The following NAALADL2 variants were observed in gnomAD, a reference collection of about 807,000 sequenced individuals.
The protein encoded by NAALADL2 is inactive N-acetylated-alpha-linked acidic dipeptidase-like protein 2.
A neutral mutation model predicts 87.2 loss-of-function variants in NAALADL2; 76 were observed. The ratio of observed to expected loss-of-function variants is 0.87; its 90% CI spans 0.72 to 1.05. The LOEUF (loss-of-function observed/expected upper bound fraction) is 1.05. NAALADL2 is among the 50% of genes least tolerant of loss of function. The pLI, the probability that NAALADL2 is intolerant of heterozygous loss-of-function variation, is 0.00. For synonymous variants in NAALADL2, 354 were observed against 331.0 expected, an observed-to-expected ratio of 1.07 and a Z score of -0.75; for missense variants, 1,089 against 945.8, an observed-to-expected ratio of 1.15 and a Z score of -1.99.
intron 1 of NAALADL2, among the ~76,000 whole-genome samples, chr3:174,517,550 G>A (rs1357875849): frequency 2.0e-5 from 3 of 152,006 alleles, no homozygotes; most frequent in African/African-American, 7.2e-5. Context: ...TCTAGATGAG[G>A]TAGTTAGCTA....
chr3:174,828,641 A>G (rs900513654), intron 3 of NAALADL2, among the ~76,000 whole-genome samples: 3 of 152,210 alleles, frequency 2.0e-5, no homozygotes, highest in Non-Finnish European at 4.4e-5. Flanking sequence ...TATTCCTACA[A>G]ATGAGCTTCA....
intron 2 of NAALADL2, among the ~76,000 whole-genome samples, chr3:174,594,934 A>G (rs1717731126): frequency 6.6e-6 from 1 of 152,108 alleles, no homozygotes. Context: ...TCCTTTTCTT[A>G]TATTTTTGCT....
chr3:175,129,935 C>T (rs139802207), intron 2 of NAALADL2, among the ~76,000 whole-genome samples: 1 of 152,134 alleles, frequency 6.6e-6, no homozygotes, highest in Non-Finnish European at 1.5e-5. Flanking sequence ...ACATTCCCAA[C>T]AATAGTGTAC....
At chr3:174,739,004 G>T (rs1444714574) in intron 3 of NAALADL2, among the ~76,000 whole-genome samples, 1 of 152,038 alleles carries the variant, frequency 6.6e-6, no homozygotes, top group Non-Finnish European at 1.5e-5. Context: ...TTACTGATTA[G>T]CAGCTTATTT....
chr3:174,628,537 A>T (rs962575743), intron 2 of NAALADL2, among the ~76,000 whole-genome samples: 4 of 151,800 alleles, frequency 2.6e-5, no homozygotes, highest in African/African-American at 9.7e-5. Context: ...ACATAAGAAA[A>T]TTATGACCCA....
chr3:175,290,193 C>T (rs1439912278), intron 4 of NAALADL2, among the ~76,000 whole-genome samples: 1 of 152,096 alleles, frequency 6.6e-6, no homozygotes, highest in East Asian at 1.9e-4. Flanking sequence ...ATTTCTAGTC[C>T]TGGGTTTTTA....
intron 2 of NAALADL2, among the ~76,000 whole-genome samples, chr3:175,229,027 A>G (rs1039411740): frequency 6.6e-6 from 1 of 151,948 alleles, no homozygotes; most frequent in African/African-American, 2.4e-5. Flanking sequence ...TAAAACATAC[A>G]ATTGTCTTAA....
At chr3:174,541,859 T>C (rs760466149) in intron 1 of NAALADL2, among the ~76,000 whole-genome samples, 20 of 152,176 alleles carry the variant, frequency 1.3e-4, no homozygotes, top group African/African-American at 2.2e-4. Flanking sequence ...ATTCTTGGCT[T>C]CACTCAGGAA....
chr3:175,024,539 A>C (rs1235183345), intron 1 of NAALADL2, among the ~76,000 whole-genome samples: 1 of 152,134 alleles, frequency 6.6e-6, no homozygotes, highest in African/African-American at 2.4e-5. Flanking sequence ...ATTATTAGAA[A>C]TCATAGGTAA....
In NAALADL2 at chr3:174,787,598, T is replaced by TAC; in HGVS notation, c.-9+49853_-9+49854insCA. On this transcript the variant is annotated intron_variant, in intron 3 of 3. Coordinates refer to the NAALADL2 transcript ENST00000434257. Reference sequence around the variant, plus strand: ...CATCATATATATATATATATATATATATATATATATATATATATATATAGT... The same window carrying TAC: ...CATCATATATATATATATATATATATACATATATATATATATATATATATAGT... Among the ~76,000 whole-genome samples, 596 of 60,120 alleles carry TAC rather than the reference T, an allele frequency of 9.9e-3. 28 individuals carry two copies. Among genetic ancestry groups the TAC allele is most frequent in the African/African-American group, 0.026 (443 of 17,238 alleles). 39.4% of individuals were successfully genotyped at this position (60,120 alleles called of 152,430 possible).
At chr3:174,499,046 T>C (rs1208310146) in intron 1 of NAALADL2, among the ~76,000 whole-genome samples, 1 of 152,128 alleles carries the variant, frequency 6.6e-6, no homozygotes, top group African/African-American at 2.4e-5. Context: ...TTTTATGTTA[T>C]AATTGTTAAT....
intron 2 of NAALADL2, among the ~76,000 whole-genome samples, chr3:175,209,403 T>C (rs1741435116): frequency 6.6e-6 from 1 of 152,052 alleles, no homozygotes; most frequent in Admixed American, 6.6e-5. Flanking sequence ...AACTAGTACA[T>C]GGTTATATTT....
chr3:175,759,670 A>G (rs1264923578), intron 13 of NAALADL2, among the ~76,000 whole-genome samples: 2 of 152,190 alleles, frequency 1.3e-5, no homozygotes, highest in Non-Finnish European at 2.9e-5. Flanking sequence ...AAGACTTTAT[A>G]GGGAAAGTGA....
At chr3:174,949,152 C>G (rs1167802535) in intron 1 of NAALADL2, among the ~76,000 whole-genome samples, 1 of 152,164 alleles carries the variant, frequency 6.6e-6, no homozygotes, top group African/African-American at 2.4e-5. Context: ...GATCCTACCT[C>G]CTACTACCAT....
chr3:174,925,009 A>G (rs537733390), intron 1 of NAALADL2, among the ~76,000 whole-genome samples: 7 of 152,094 alleles, frequency 4.6e-5, no homozygotes, highest in African/African-American at 1.7e-4. Flanking sequence ...ATTTTCTCCC[A>G]TTCTGTAGGT....
At chr3:175,765,135 A>G (rs1748523921) in intron 13 of NAALADL2, among the ~76,000 whole-genome samples, 1 of 152,180 alleles carries the variant, frequency 6.6e-6, no homozygotes, top group Admixed American at 6.6e-5. Context: ...CACTTGCACA[A>G]AAGAATCTAT....
intron 9 of NAALADL2, among the ~76,000 whole-genome samples, chr3:175,569,837 C>T (rs1040842682): frequency 1.3e-5 from 2 of 149,338 alleles, no homozygotes; most frequent in African/African-American, 5.0e-5. Context: ...CACACACACA[C>T]ACACACACAC....
intron 9 of NAALADL2, among the ~76,000 whole-genome samples, chr3:175,570,159 G>A (rs1401867470): frequency 1.3e-5 from 2 of 152,108 alleles, no homozygotes; most frequent in African/African-American, 4.8e-5. Context: ...ACCAAAGAAA[G>A]GAAAAGACCA....
intron 1 of NAALADL2, among the ~76,000 whole-genome samples, chr3:174,896,413 C>G (rs1731537447): frequency 6.6e-6 from 1 of 151,840 alleles, no homozygotes; most frequent in African/African-American, 2.4e-5. Flanking sequence ...AAAGGTAATA[C>G]CATTTACAAT....
Sources: gnomAD v4.1 joint callset for allele counts (sites outside exome capture counted in the v4.1 genomes callset) on GRCh38, gnomAD v4.1.1 for gene constraint, MANE v1.5 for transcripts, NCBI Gene and HGNC (gene_info 2026-07-23, HGNC 2026-07-21) for gene names.